The following DLG2 variants were observed in gnomAD, a reference collection of about 807,000 sequenced individuals.
DLG2 encodes discs large MAGUK scaffold protein 2.
DLG2 carries 45 observed loss-of-function variants against 132.5 expected under a neutral mutation model. The ratio of observed to expected loss-of-function variants is 0.34; its 90% CI spans 0.27 to 0.44. The LOEUF (loss-of-function observed/expected upper bound fraction) is 0.44, where lower values mean the gene tolerates loss of function less well. Ranked by LOEUF, DLG2 falls within the 20% of genes least tolerant of loss-of-function variation. DLG2 has a pLI of 1.00. For synonymous variants in DLG2, 424 were observed against 419.6 expected (o/e 1.01, Z -0.13); for missense variants, 1,045 against 1,196.9 (o/e 0.87, Z 1.87).
At chr11:85,542,206 A>G (rs2076015551) in intron 3 of DLG2, among the ~76,000 whole-genome samples, 1 of 152,066 alleles carries the variant, frequency 6.6e-6, no homozygotes, top group Non-Finnish European at 1.5e-5. Context: ...GGTAACTTCA[A>G]TGAGATTTTA....
intron 11 of DLG2, among the ~76,000 whole-genome samples, chr11:84,045,936 T>A (rs573046127): frequency 2.6e-5 from 4 of 151,356 alleles, no homozygotes; most frequent in Admixed American, 1.3e-4. Flanking sequence ...ACAAGATTAA[T>A]GGAAAATTTT....
intron 7 of DLG2, among the ~76,000 whole-genome samples, chr11:84,342,295 G>T (rs946670016): frequency 6.6e-6 from 1 of 152,188 alleles, no homozygotes; most frequent in East Asian, 1.9e-4. Context: ...GCACCAGAAA[G>T]GAATGCCCAC....
intron 6 of DLG2, among the ~76,000 whole-genome samples, chr11:85,041,199 T>C (rs1048770337): frequency 1.3e-5 from 2 of 151,848 alleles, no homozygotes; most frequent in Admixed American, 6.6e-5. Context: ...ATAGCCTTCA[T>C]GGGTATAATA....
chr11:83,988,292 T>C (rs914717650), intron 11 of DLG2, among the ~76,000 whole-genome samples: 2 of 152,184 alleles, frequency 1.3e-5, no homozygotes, highest in Non-Finnish European at 2.9e-5. Context: ...TTAATTCATC[T>C]TGAGTTAATT....
At chr11:83,486,302 G>A in intron 21 of DLG2, 1 of 669,030 alleles carries the variant, frequency 1.5e-6, no homozygotes, top group African/African-American at 1.8e-5. Flanking sequence ...ATGTGATACT[G>A]CAAGGTATGT....
intron 17 of DLG2, among the ~76,000 whole-genome samples, chr11:83,791,878 G>A (rs895115920): frequency 3.3e-5 from 5 of 152,162 alleles, no homozygotes; most frequent in Non-Finnish European, 7.3e-5. Context: ...CAGCTTGTGT[G>A]TACTTTTTAA....
At chr11:85,437,900 C>T (rs2091577497) in intron 3 of DLG2, among the ~76,000 whole-genome samples, 1 of 152,154 alleles carries the variant, frequency 6.6e-6, no homozygotes, top group East Asian at 1.9e-4. Context: ...TACATAAACA[C>T]ATAGAGAACA....
chr11:85,562,680 C>T (rs1400589043), intron 3 of DLG2, among the ~76,000 whole-genome samples: 1 of 151,618 alleles, frequency 6.6e-6, no homozygotes, highest in African/African-American at 2.4e-5. Context: ...TTGTCTCATG[C>T]CTTTCATCAA....
At chr11:83,830,636 C>A (rs1238419324) in intron 17 of DLG2, among the ~76,000 whole-genome samples, 1 of 152,114 alleles carries the variant, frequency 6.6e-6, no homozygotes, top group Admixed American at 6.6e-5. Context: ...GCGGTGTGCA[C>A]CAAGAAGATG....
chr11:85,541,295 A>G (rs1043331910), intron 3 of DLG2, among the ~76,000 whole-genome samples: 1 of 152,084 alleles, frequency 6.6e-6, no homozygotes, highest in Non-Finnish European at 1.5e-5. Flanking sequence ...TTAAATTACA[A>G]TGGATCACTT....
At chr11:85,222,074 G>T (rs2074683127) in intron 4 of DLG2, among the ~76,000 whole-genome samples, 1 of 151,956 alleles carries the variant, frequency 6.6e-6, no homozygotes, top group African/African-American at 2.4e-5. Context: ...AAGTAGATGG[G>T]ACTACAGGTG....
intron 9 of DLG2, among the ~76,000 whole-genome samples, chr11:84,159,992 G>T (rs1235758742): frequency 6.6e-6 from 1 of 152,154 alleles, no homozygotes; most frequent in Non-Finnish European, 1.5e-5. Flanking sequence ...GAATATTAGG[G>T]CAGCAGTTAC....
intron 6 of DLG2, among the ~76,000 whole-genome samples, chr11:84,600,217 A>AAAGAAAGAAAGG (rs1455209964): frequency 7.5e-6 from 1 of 133,476 alleles, no homozygotes; most frequent in Admixed American, 7.3e-5. Context: ...AGAAAGAAAG[A>AAAGAAAGAAAGG]AAGAAAGAGA....
chr11:84,193,953 G>C (rs950494779), intron 8 of DLG2, among the ~76,000 whole-genome samples: 1 of 152,148 alleles, frequency 6.6e-6, no homozygotes, highest in African/African-American at 2.4e-5. Context: ...GACTGCTGGC[G>C]TATGGAACAT....
chr11:83,772,640 C>T (rs759170058), intron 18 of DLG2, among the ~76,000 whole-genome samples: 2 of 151,876 alleles, frequency 1.3e-5, no homozygotes, highest in African/African-American at 2.4e-5. Flanking sequence ...AGATCTAATG[C>T]TATAAAATTA....
intron 19 of DLG2, among the ~76,000 whole-genome samples, chr11:83,555,087 G>A (rs2096488042): frequency 6.6e-6 from 1 of 152,272 alleles, no homozygotes; most frequent in South Asian, 2.1e-4. Context: ...AGGTTGGGAA[G>A]GCTTCCAAGA....
At chr11:83,657,297 C>T (rs897785521) in intron 18 of DLG2, among the ~76,000 whole-genome samples, 3 of 152,162 alleles carry the variant, frequency 2.0e-5, no homozygotes, top group East Asian at 1.9e-4. Context: ...TGAAAAATCA[C>T]GAGTGAGGCC....
chr11:85,422,947 A>G (rs1597196200), intron 3 of DLG2, among the ~76,000 whole-genome samples: 1 of 135,304 alleles, frequency 7.4e-6, no homozygotes, highest in East Asian at 2.1e-4. Context: ...CAGGTAAATC[A>G]GGGATTTCTT....
chr11:84,978,371 A>G (rs1034822094), intron 6 of DLG2, among the ~76,000 whole-genome samples: 2 of 152,202 alleles, frequency 1.3e-5, no homozygotes, highest in African/African-American at 4.8e-5. Context: ...AGCCAAAAGA[A>G]CAAAGCCGGA....
Sources: gnomAD v4.1 joint callset for allele counts (sites outside exome capture counted in the v4.1 genomes callset) on GRCh38, gnomAD v4.1.1 for gene constraint, MANE v1.5 for transcripts, NCBI Gene and HGNC (gene_info 2026-07-23, HGNC 2026-07-21) for gene names.